The following TAB1 variants were observed in gnomAD, a reference collection of about 807,000 sequenced individuals.
The protein encoded by TAB1 is TGF-beta-activated kinase 1 and MAP3K7-binding protein 1.
A neutral mutation model predicts 54.5 loss-of-function variants in TAB1; 30 were observed. The observed-to-expected ratio is 0.55, with a 90% CI of 0.41 to 0.75. The LOEUF (loss-of-function observed/expected upper bound fraction) is 0.75, where lower values mean the gene tolerates loss of function less well. Ranked by LOEUF, TAB1 falls within the 30% of genes least tolerant of loss-of-function variation. The probability of loss-of-function intolerance (pLI) is 0.00; values close to 1 mark genes in which losing one functional copy is unlikely to be tolerated. For missense variants in TAB1, 609 were observed against 683.2 expected (o/e 0.89, Z 1.21); for synonymous variants, 289 against 286.9 (o/e 1.01, Z -0.07).
At chr22:39,401,414 G>C (rs1246641586) in intron 1 of TAB1, among the ~76,000 whole-genome samples, 1 of 152,224 alleles carries the variant, frequency 6.6e-6, no homozygotes, top group Non-Finnish European at 1.5e-5. Flanking sequence ...CCTCTGCTTT[G>C]TAAGTTCCCA....
rs117173541 is a variant in TAB1 at position 39,423,761 on chromosome 22, T to C, written c.921+1790T>C. ...CTTAGTAAACCAGTTATTCCAGTAG[T>C]GTACATTGTAAGTAATGTATAGTGT... On this transcript the variant is annotated intron_variant, in intron 8 of 10. Transcript: ENST00000216160. 3.4e-3 allele frequency among the ~76,000 whole-genome samples: 508 copies of C among 151,466 alleles called. 4 individuals carry two copies. The highest frequency in any genetic ancestry group is 0.03 in the East Asian group (149 of 5,026).
chr22:39,406,672 G>A (rs1404451531), intron 1 of TAB1, among the ~76,000 whole-genome samples: 2 of 150,540 alleles, frequency 1.3e-5, no homozygotes, highest in East Asian at 1.9e-4. Context: ...TTGCTGTGTC[G>A]CCCAGGCTGG....
intron 1 of TAB1, among the ~76,000 whole-genome samples, chr22:39,411,709 G>A (rs1322515418): frequency 2.6e-5 from 4 of 152,226 alleles, no homozygotes; most frequent in Non-Finnish European, 5.9e-5. Context: ...ATATGAGCCA[G>A]CCCTGTCACT....
chr22:39,416,950 T>C (rs1325809120), intron 4 of TAB1, 73 bp downstream of exon 4: 1 of 1,430,216 alleles, frequency 7.0e-7, no homozygotes, highest in Admixed American at 1.8e-5. Flanking sequence ...ACTCATCTAC[T>C]TTCTTGACAT....
downstream of TAB1, among the ~76,000 whole-genome samples, chr22:39,435,651 G>A (rs1323788742): frequency 6.6e-6 from 1 of 152,194 alleles, no homozygotes; most frequent in Admixed American, 6.5e-5. Context: ...CTCCCTGTGG[G>A]TGGTGGGCCC....
downstream of TAB1, among the ~76,000 whole-genome samples, chr22:39,435,038 A>C (rs899498692): frequency 2.6e-5 from 4 of 152,110 alleles, no homozygotes; most frequent in Non-Finnish European, 5.9e-5. Context: ...GTCTAAGAAC[A>C]TGAGTGGACA....
In TAB1 at chr22:39,426,079, G is replaced by C. The variant is rs529328079; in HGVS notation, c.922-624G>C. Among the ~76,000 whole-genome samples, 24 of 152,094 alleles carry C rather than the reference G, an allele frequency of 1.6e-4. No homozygotes were observed. The South Asian group carries it at 2.9e-3, about 18-fold the overall frequency. ...TCAACATGTTGGCCAAGCTGGTCTC[G>C]ATCTCCTGACCTCTGGCAGTCCTCC... On this transcript the variant is annotated intron_variant, in intron 8 of 10. Coordinates refer to ENST00000216160, the MANE Select transcript of TAB1 (RefSeq NM_006116.3).
chr22:39,422,775 A>G lies in TAB1; in HGVS notation c.921+804A>G, dbSNP rs1469401647. ...CAGTGAGGTTAGGCGTGGTAGACACAGGCCCTCAGCCAAGAGTTGCTTATT... is the reference window on the plus strand; with the variant it reads ...CAGTGAGGTTAGGCGTGGTAGACACGGGCCCTCAGCCAAGAGTTGCTTATT... On this transcript the variant is annotated intron_variant, in intron 8 of 10. Coordinates refer to ENST00000216160, the MANE Select transcript of TAB1 (RefSeq NM_006116.3). 3.9e-5 allele frequency among the ~76,000 whole-genome samples: 6 copies of G among 152,168 alleles called. No individual in the cohort carries two copies. In the East Asian group the frequency reaches 7.7e-4, roughly 20 times the overall value.
intron 8 of TAB1, among the ~76,000 whole-genome samples, chr22:39,424,892 G>A (rs1927253746): frequency 6.6e-6 from 1 of 152,096 alleles, no homozygotes; most frequent in African/African-American, 2.4e-5. Context: ...TGACGTTGCT[G>A]CTTAGTGTTG....
rs770101694 is a variant in TAB1, at chr22:39,399,851, G to A, written c.33+16G>A. ...GCTGCAGAGTGTGAGGAACAGGCCC[G>A]CTCTCTGGGCTTGGGGTTGGGAGCC... On this transcript the variant is annotated intron_variant, in intron 1 of 10. Coordinates refer to ENST00000216160, the MANE Select transcript of TAB1 (RefSeq NM_006116.3). The A allele has an allele frequency of 5.7e-6, 9 of 1,590,926 alleles. No individual in the cohort carries two copies. In the Admixed American group the frequency reaches 1.6e-4, roughly 28 times the overall value.
At chr22:39,427,006 T>C (rs1927378960) in intron 9 of TAB1, 81 bp downstream of exon 9, 3 of 1,426,272 alleles carry the variant, frequency 2.1e-6, no homozygotes, top group Non-Finnish European at 2.9e-6. Flanking sequence ...CGAGGCTGCT[T>C]GAAACGGAGA....
intron 10 of TAB1, among the ~76,000 whole-genome samples, chr22:39,428,645 C>T (rs1434098801): frequency 1.3e-5 from 2 of 152,206 alleles, no homozygotes; most frequent in East Asian, 1.9e-4. Context: ...GGCCAGGCCC[C>T]CTCCAGCCGC....
chr22:39,430,984 G>A lies in TAB1; in HGVS notation c.*762G>A, dbSNP rs566616868. ...GGCAGGGGCCGCTGTCGTCAGGCCT[G>A]AGCCAGGGTGAGCTGGTGCCTGCCT... On this transcript the variant is annotated 3_prime_UTR_variant, in exon 11 of 11. Coordinates refer to ENST00000216160, the MANE Select transcript of TAB1 (RefSeq NM_006116.3). The A allele has an allele frequency of 1.3e-4, 124 of 986,600 alleles. No homozygotes were observed. The highest frequency in any genetic ancestry group is 1.5e-4 in the Non-Finnish European group (121 of 830,810). The allele number at this position is 986,600 out of a possible 1,614,324, so 61.1% of individuals were successfully genotyped here. A position where few individuals can be genotyped will look rare whatever the true frequency, so the allele number is the denominator to read the frequency against.
At chr22:39,407,190 A>G (rs1926402059) in intron 1 of TAB1, among the ~76,000 whole-genome samples, 1 of 152,212 alleles carries the variant, frequency 6.6e-6, no homozygotes. Context: ...GTTATTTTAC[A>G]TTACATAGAG....
At chr22:39,421,718 TTG>T in intron 7 of TAB1, 107 bp from the exon 8 acceptor site, 2 of 1,151,784 alleles carry the variant, frequency 1.7e-6, no homozygotes, top group Non-Finnish European at 2.5e-6. Context: ...TCTTGTCAGG[TTG>T]TGTGTTTTAT....
In TAB1 at chr22:39,426,768, C is replaced by T. The variant is rs138903748; in HGVS notation, c.987C>T (p.Ala329=). ...CCTCCCTGGACGCAGTGGCCCAGGC[C>T]GTCGTGGACCGGGTGAAGCGCATCC... ...KQTSLDAVAQ[A]VVDRVKRIHS... is the part of the protein sequence containing the mutation. The change falls in exon 9 of 11, where the codon GCC becomes GCT. Residue 329 remains alanine (A), a synonymous_variant. Transcript: ENST00000216160. The T allele has an allele frequency of 2.9e-5, 47 of 1,613,982 alleles. 1 individual carries two copies. Among genetic ancestry groups the T allele is most frequent in the Non-Finnish European group, 3.1e-5 (37 of 1,179,920 alleles).
intron 1 of TAB1, among the ~76,000 whole-genome samples, chr22:39,408,004 A>G (rs1315503678): frequency 6.6e-6 from 1 of 152,194 alleles, no homozygotes; most frequent in East Asian, 1.9e-4. Flanking sequence ...CATGTTCAGA[A>G]AGGAGCCATC....
Position 39,417,764 on chromosome 22 carries a change from CAA to C in TAB1, c.466_467del (p.Lys156AspfsTer58), listed in dbSNP as rs1013244055. On this transcript the variant is annotated frameshift_variant, in exon 5 of 11. Coordinates refer to ENST00000216160, the MANE Select transcript of TAB1 (RefSeq NM_006116.3). LOFTEE classifies it high-confidence loss of function. The stretch of plus-strand genomic sequence containing the variant: ...AGTATCAGAAGATCCTTGAGAGACT[CAA>C]GACGTTAGAGAGGGAAATTTCGGGA... ...PQYQKILERL[K>X]TLEREISGGA... 5 of 1,613,378 alleles carry C rather than the reference CAA, an allele frequency of 3.1e-6. No homozygotes were observed. The highest frequency in any genetic ancestry group is 1.7e-4 in the Middle Eastern group (1 of 6,054).
intron 1 of TAB1, among the ~76,000 whole-genome samples, chr22:39,408,093 TACTG>T (rs1359470180): frequency 6.6e-6 from 1 of 152,264 alleles, no homozygotes; most frequent in Non-Finnish European, 1.5e-5. Flanking sequence ...TGTCCATACT[TACTG>T]ACCCAAACAC....
Sources: gnomAD v4.1 joint callset for allele counts (sites outside exome capture counted in the v4.1 genomes callset) on GRCh38, gnomAD v4.1.1 for gene constraint, MANE v1.5 for transcripts, NCBI Gene and HGNC (gene_info 2026-07-23, HGNC 2026-07-21) for gene names.